The following MED12L variants were observed in gnomAD, a reference collection of about 807,000 sequenced individuals.
MED12L encodes the protein mediator of RNA polymerase II transcription subunit 12-like protein.
MED12L carries 60 observed loss-of-function variants against 281.3 expected under a neutral mutation model. That is an observed-to-expected ratio of 0.21 (90% CI 0.17 to 0.26). The LOEUF (loss-of-function observed/expected upper bound fraction) is 0.26. MED12L is among the 10% of genes least tolerant of loss of function. The probability of loss-of-function intolerance (pLI) is 1.00; values close to 1 mark genes in which losing one functional copy is unlikely to be tolerated. For synonymous variants in MED12L, 974 were observed against 987.2 expected (o/e 0.99, Z 0.25); for missense variants, 2,146 against 2,680.9 (o/e 0.80, Z 4.41).
chr3:151,096,562 A>G (rs1395612943), intron 2 of MED12L, among the ~76,000 whole-genome samples: 2 of 152,102 alleles, frequency 1.3e-5, no homozygotes, highest in African/African-American at 2.4e-5. Context: ...TCCTTTATTT[A>G]TATCTGTTTC....
chr3:151,256,816 T>G (rs1737895470), intron 16 of MED12L, among the ~76,000 whole-genome samples: 1 of 75,528 alleles, frequency 1.3e-5, no homozygotes, highest in Non-Finnish European at 3.2e-5. Flanking sequence ...ATCCAGTCTG[T>G]TTTTTTTTTT....
chr3:151,248,248 A>T (rs987209479), intron 16 of MED12L, among the ~76,000 whole-genome samples: 1 of 152,130 alleles, frequency 6.6e-6, no homozygotes, highest in African/African-American at 2.4e-5. Context: ...AACAGCAACT[A>T]TGAGACCTAT....
intron 16 of MED12L, among the ~76,000 whole-genome samples, chr3:151,244,795 C>CA (rs1040795520): frequency 1.3e-5 from 2 of 151,942 alleles, no homozygotes; most frequent in African/African-American, 4.8e-5. Context: ...AATAGAGTCA[C>CA]AAAAAACCCT....
chr3:151,149,141 T>G (rs1718129013), intron 5 of MED12L, among the ~76,000 whole-genome samples: 1 of 152,206 alleles, frequency 6.6e-6, no homozygotes, highest in South Asian at 2.1e-4. Context: ...TTAGGTGTTG[T>G]CTACGTGTAA....
At chr3:151,148,810 A>G (rs558145000) in intron 5 of MED12L, among the ~76,000 whole-genome samples, 1 of 152,362 alleles carries the variant, frequency 6.6e-6, no homozygotes, top group South Asian at 2.1e-4. Flanking sequence ...TTTTTCATAT[A>G]TGGTTATATA....
chr3:151,240,269 A>G (rs2149375602), intron 16 of MED12L, among the ~76,000 whole-genome samples: 1 of 152,342 alleles, frequency 6.6e-6, no homozygotes, highest in South Asian at 2.1e-4. Context: ...GAATGATGGC[A>G]GGTAAATTGG....
In MED12L at chr3:151,369,685, G is replaced by C; in HGVS notation, c.3664+136G>C. 3 of 569,018 alleles carry C rather than the reference G, an allele frequency of 5.3e-6. No homozygotes were observed. In the South Asian group the frequency reaches 8.1e-5, roughly 15 times the overall value. The allele number at this position is 569,018 out of a possible 1,614,324, so 35.2% of individuals were successfully genotyped here. A position where few individuals can be genotyped will look rare whatever the true frequency, so the allele number is the denominator to read the frequency against. On this transcript the variant is annotated intron_variant, in intron 26 of 44. Transcript: ENST00000687756. ...ATCGCTTATTCTCCTGGAAAAATTAGTGGTTTCTCCTAGACCAAATACATC... is the reference window on the plus strand; with the variant it reads ...ATCGCTTATTCTCCTGGAAAAATTACTGGTTTCTCCTAGACCAAATACATC...
chr3:151,146,636 C>G (rs1717797893), intron 5 of MED12L, among the ~76,000 whole-genome samples: 1 of 152,130 alleles, frequency 6.6e-6, no homozygotes, highest in South Asian at 2.1e-4. Flanking sequence ...AGGGAAATGG[C>G]TGGTTTAAAA....
chr3:151,180,133 G>A (rs1256076488), intron 11 of MED12L, among the ~76,000 whole-genome samples: 2 of 152,150 alleles, frequency 1.3e-5, no homozygotes, highest in East Asian at 3.8e-4. Context: ...AAATTTTTGT[G>A]CTGAAATTTT....
chr3:151,198,588 T>C, intron 16 of MED12L: 1 of 1,614,066 alleles, frequency 6.2e-7, no homozygotes, highest in South Asian at 1.1e-5. Context: ...GTAGCCTCTT[T>C]GGCTTTGAAG....
At chr3:151,270,241 G>GTGTGTGTGTGTT (rs1247181043) in intron 16 of MED12L, 8 of 157,022 alleles carry the variant, frequency 5.1e-5, no homozygotes, top group African/African-American at 7.4e-5. Context: ...GTGTGTGTGT[G>GTGTGTGTGTGTT]TTTTCTTTTG....
chr3:151,206,062 AAG>A (rs1456474610), intron 16 of MED12L, among the ~76,000 whole-genome samples: 1 of 149,716 alleles, frequency 6.7e-6, no homozygotes, highest in Non-Finnish European at 1.5e-5. Flanking sequence ...TATGTTTTGA[AAG>A]AAAATAATTT....
chr3:151,165,611 A>T (rs1720619256), intron 10 of MED12L, 92 bp downstream of exon 10: 3 of 1,156,484 alleles, frequency 2.6e-6, no homozygotes, highest in Non-Finnish European at 2.6e-6. Flanking sequence ...TGAATAAGGC[A>T]GCTTTTTGAC....
chr3:151,188,707 C>T lies in MED12L; in HGVS notation c.1753+227C>T, dbSNP rs111768805. The stretch of plus-strand genomic sequence containing the variant: ...AAAATAATTGTTAAAAGTCACCTCA[C>T]TCCTTCATGTAAGGAAGTAAGGTCT... On this transcript the variant is annotated intron_variant, in intron 13 of 44. Coordinates refer to ENST00000687756, the MANE Select transcript of MED12L (RefSeq NM_001393769.1). Among the ~76,000 whole-genome samples the T allele has an allele frequency of 1.7e-3, 259 of 152,328 alleles. 1 individual carries two copies. Among genetic ancestry groups the T allele is most frequent in the African/African-American group, 6.1e-3 (255 of 41,566 alleles).
In MED12L at chr3:151,350,126, A is replaced by AT; in HGVS notation, c.2319dup (p.Glu774Ter). 1 of 1,613,842 alleles carries AT rather than the reference A, an allele frequency of 6.2e-7. No individual in the cohort carries two copies. Among genetic ancestry groups the AT allele is most frequent in the East Asian group, 2.2e-5 (1 of 44,868 alleles). ...CTCTATGGAGTCGGCAAAGAGCGTG[A>AT]TGAAGCAAGGCATCAGCTGAAGAAG... is the stretch of plus-strand genomic sequence containing the variant. On this transcript the variant is annotated frameshift_variant, in exon 17 of 45. Transcript: ENST00000687756. LOFTEE classifies it high-confidence loss of function.
intron 16 of MED12L, among the ~76,000 whole-genome samples, chr3:151,232,506 A>G (rs1731886604): frequency 1.3e-5 from 2 of 152,216 alleles, no homozygotes; most frequent in Non-Finnish European, 2.9e-5. Context: ...TTTCAGCACT[A>G]TTTCATAATA....
chr3:151,248,142 A>G (rs1046932917), intron 16 of MED12L, among the ~76,000 whole-genome samples: 1 of 152,002 alleles, frequency 6.6e-6, no homozygotes, highest in Non-Finnish European at 1.5e-5. Flanking sequence ...AAAAAATGCT[A>G]TGAATGTTTG....
intron 39 of MED12L, among the ~76,000 whole-genome samples, chr3:151,398,486 TG>T (rs1475128806): frequency 1.3e-5 from 2 of 152,212 alleles, no homozygotes; most frequent in Non-Finnish European, 2.9e-5. Context: ...TGTCATGGAT[TG>T]TCTTATATTT....
intron 16 of MED12L, among the ~76,000 whole-genome samples, chr3:151,301,033 A>C (rs758515804): frequency 6.6e-6 from 1 of 152,192 alleles, no homozygotes; most frequent in African/African-American, 2.4e-5. Context: ...TAGACAGTCT[A>C]TCCATACGTC....
Sources: allele counts gnomAD v4.1 joint callset (sites outside exome capture counted in the v4.1 genomes callset), GRCh38; gene constraint gnomAD v4.1.1; transcripts MANE v1.5; gene names NCBI Gene and HGNC (gene_info 2026-07-23, HGNC 2026-07-21).